The following MYT1L variants were observed in gnomAD, a reference collection of about 807,000 sequenced individuals.
The protein encoded by MYT1L is myelin transcription factor 1 like.
MYT1L carries 12 observed loss-of-function variants against 126.7 expected under a neutral mutation model. The observed-to-expected ratio is 0.09, with a 90% CI of 0.06 to 0.15. MYT1L has a LOEUF of 0.15. MYT1L is among the 10% of genes least tolerant of loss of function. The pLI is 1.00. For missense variants in MYT1L, 979 were observed against 1,585.2 expected (o/e 0.62, Z 6.49); for synonymous variants, 541 against 604.2 (o/e 0.90, Z 1.53).
chr2:1,968,785 G>A (rs189481174), intron 8 of MYT1L, among the ~76,000 whole-genome samples: 10 of 152,288 alleles, frequency 6.6e-5, no homozygotes, highest in Admixed American at 2.6e-4. Flanking sequence ...GAGGCTGCAC[G>A]GCACACACAG....
chr2:2,031,268 G>A (rs970254820), intron 4 of MYT1L, among the ~76,000 whole-genome samples: 47 of 152,356 alleles, frequency 3.1e-4, no homozygotes, highest in African/African-American at 1.1e-3. Context: ...AAGAGGGCTG[G>A]GAGAGGTGCT....
At chr2:1,941,753 A>G (rs11694479) in intron 9 of MYT1L, among the ~76,000 whole-genome samples, 30,026 of 152,080 alleles carry the variant, frequency 0.2, 3,017 homozygotes, top group East Asian at 0.31. Context: ...ATACATATCT[A>G]TCTATGTTCT....
Position 1,943,053 on chromosome 2 carries a change from T to A in MYT1L, c.434A>T (p.Asp145Val). 1 of 1,483,638 alleles carries A rather than the reference T, an allele frequency of 6.7e-7. No homozygotes were observed. The highest frequency in any genetic ancestry group is 1.2e-5 in the South Asian group (1 of 82,592). 91.9% of individuals were successfully genotyped at this position (1,483,638 alleles called of 1,614,324 possible). A position where few individuals can be genotyped will look rare whatever the true frequency, so the allele number is the denominator to read the frequency against. Reference protein sequence around the residue: ...IEEEDEDDDEDGEDVEDEEEE... With the variant: ...IEEEDEDDDEVGEDVEDEEEE... ...TTCTTCATCCTCCACATCTTCTCCATCCTCGTCATCGTCCTCATCCTCCTC... is the reference window on the plus strand; with the variant it reads ...TTCTTCATCCTCCACATCTTCTCCAACCTCGTCATCGTCCTCATCCTCCTC... The change falls in exon 9 of 25, where the codon GAT (aspartate) becomes GTT (valine). Residue 145 changes from aspartate (D) to valine (V), a missense_variant. Transcript: ENST00000647738. This position sits in a 1 kb window ranked among gnomAD's most constrained non-coding sequence, Gnocchi z 4.4.
At chr2:2,245,745 T>G (rs745780886) in intron 2 of MYT1L, among the ~76,000 whole-genome samples, 2 of 152,120 alleles carry the variant, frequency 1.3e-5, no homozygotes, top group Admixed American at 1.3e-4. Flanking sequence ...TGCTTTCACA[T>G]AGGCAGTGGA....
In MYT1L at chr2:1,817,885, G is replaced by A. The variant is rs940878099; in HGVS notation, c.3081-8718C>T. On this transcript the variant is annotated intron_variant, in intron 21 of 24. Coordinates refer to ENST00000647738, the MANE Select transcript of MYT1L (RefSeq NM_001303052.2). The stretch of plus-strand genomic sequence containing the variant: ...TTACAGAAACGCTTCTCCAATTAAA[G>A]TCAAGTGCTGCTGAGTGTAGGTTTG... Among the ~76,000 whole-genome samples the A allele has an allele frequency of 3.9e-5, 6 of 152,210 alleles. No individual in the cohort carries two copies. In the South Asian group the frequency reaches 1.2e-3, roughly 32 times the overall value.
chr2:2,180,878 G>A (rs577586313), intron 2 of MYT1L, among the ~76,000 whole-genome samples: 4 of 151,020 alleles, frequency 2.6e-5, no homozygotes, highest in African/African-American at 4.9e-5. Context: ...ACCTGTATCC[G>A]TACCTGTGTG....
intron 2 of MYT1L, among the ~76,000 whole-genome samples, chr2:2,208,506 G>A (rs1310011813): frequency 6.6e-6 from 1 of 152,142 alleles, no homozygotes; most frequent in African/African-American, 2.4e-5. Flanking sequence ...AGTAAAAAAA[G>A]GGACTGAGCC....
chr2:2,229,436 C>G (rs10167537), intron 2 of MYT1L, among the ~76,000 whole-genome samples: 1 of 151,714 alleles, frequency 6.6e-6, no homozygotes, highest in South Asian at 2.1e-4. Flanking sequence ...CATAGGATTT[C>G]TTTCTTTCTT....
intron 3 of MYT1L, among the ~76,000 whole-genome samples, chr2:2,142,515 C>T (rs1171236272): frequency 6.6e-6 from 1 of 152,134 alleles, no homozygotes; most frequent in Non-Finnish European, 1.5e-5. Context: ...GAAGCGTCAA[C>T]TCCCTGGGCT....
At chr2:1,924,268 G>C (rs918088840) in intron 9 of MYT1L, among the ~76,000 whole-genome samples, 7 of 152,166 alleles carry the variant, frequency 4.6e-5, no homozygotes, top group African/African-American at 1.7e-4. Context: ...TTTGGGATTT[G>C]TACCTCTAAT....
intron 21 of MYT1L, chr2:1,817,091 T>C (rs2037777181): frequency 6.6e-6 from 1 of 152,230 alleles, no homozygotes; most frequent in African/African-American, 2.4e-5. Flanking sequence ...CACTCTTATG[T>C]CAAAAAGGCC....
chr2:2,078,080 G>C (rs889488262), intron 3 of MYT1L, among the ~76,000 whole-genome samples: 7 of 152,244 alleles, frequency 4.6e-5, no homozygotes, highest in Middle Eastern at 3.4e-3. Context: ...TGGTAACAAA[G>C]TTTTTAACTA....
At position 1,968,732 on chromosome 2, in the gene MYT1L, G is replaced by A. The variant is rs2059579714; in HGVS notation, c.152+10433C>T. Among the ~76,000 whole-genome samples the A allele has an allele frequency of 2.6e-5, 4 of 152,168 alleles. No homozygotes were observed. The South Asian group carries it at 8.3e-4, about 32-fold the overall frequency. ...GCCCTAGGATCCTACAGGGTCTCTG[G>A]GTCGCCTTTGTGGTTGGCTCCTCAC... is the stretch of plus-strand genomic sequence containing the variant. On this transcript the variant is annotated intron_variant, in intron 8 of 24. Transcript: ENST00000647738.
At chr2:2,091,645 T>C (rs1215415286) in intron 3 of MYT1L, among the ~76,000 whole-genome samples, 5 of 152,218 alleles carry the variant, frequency 3.3e-5, no homozygotes, top group African/African-American at 1.2e-4. Flanking sequence ...TCTCCAGCTC[T>C]GAAGGCCCTA....
At chr2:2,068,769 G>GTTTGTTTTTTTTT (rs2074210117) in intron 3 of MYT1L, among the ~76,000 whole-genome samples, 23 of 26,194 alleles carry the variant, frequency 8.8e-4, no homozygotes, top group East Asian at 3.9e-3. Flanking sequence ...TGTTCTTCTT[G>GTTTGTTTTTTTTT]TTTTTTTTTT....
rs2053742827 is a variant in MYT1L, at chr2:1,922,837, A to G, written c.932T>C (p.Met311Thr). The change falls in exon 10 of 25, where the codon ATG (methionine) becomes ACG (threonine). Residue 311 changes from methionine to threonine, a missense_variant. Physicochemically the swap from Met to Thr is moderately conservative, Grantham distance 81. This residue lies in a region of MYT1L where 243 missense variants were observed against 363.9 expected (regional missense o/e 0.67). Coordinates refer to ENST00000647738, the MANE Select transcript of MYT1L (RefSeq NM_001303052.2). This position sits in a 1 kb window ranked among gnomAD's most constrained non-coding sequence, Gnocchi z 7.4. Reference sequence around the variant, plus strand: ...ATCGCTCTCCTCCACCATCTTTTCCATGAGTCCGTTGTTCATGGGCTTCCC... The same window carrying G: ...ATCGCTCTCCTCCACCATCTTTTCCGTGAGTCCGTTGTTCATGGGCTTCCC... The part of the protein sequence containing the change: ...MLGKPMNNGL[M>T]EKMVEESDEE... The G allele has an allele frequency of 6.2e-7, 1 of 1,613,832 alleles. No individual in the cohort carries two copies. Among genetic ancestry groups the G allele is most frequent in the Non-Finnish European group, 8.5e-7 (1 of 1,179,866 alleles).
chr2:2,061,000 T>C (rs150796665), intron 3 of MYT1L, among the ~76,000 whole-genome samples: 2,961 of 152,198 alleles, frequency 0.019, 146 homozygotes, highest in Admixed American at 0.13. Context: ...AAAGCTAATT[T>C]GGTTATACAT....
intron 4 of MYT1L, among the ~76,000 whole-genome samples, chr2:2,048,865 T>C (rs80212404): frequency 0.017 from 2,571 of 152,268 alleles, 67 homozygotes; most frequent in African/African-American, 0.058. Flanking sequence ...CAGGGATCAG[T>C]AGTTTGGCAT....
At chr2:2,183,537 T>C (rs1024269927) in intron 2 of MYT1L, among the ~76,000 whole-genome samples, 3 of 152,178 alleles carry the variant, frequency 2.0e-5, no homozygotes, top group African/African-American at 7.2e-5. Flanking sequence ...TTATGAATGT[T>C]TGAAATCATG....
Sources: allele counts gnomAD v4.1 joint callset (sites outside exome capture counted in the v4.1 genomes callset), GRCh38; gene constraint gnomAD v4.1.1; regional missense constraint gnomAD v4.1.1; non-coding constraint Gnocchi (gnomAD v3.1); transcripts MANE v1.5; gene names NCBI Gene and HGNC (gene_info 2026-07-23, HGNC 2026-07-21).